Variants in MYRIP observed in about 807,000 individuals in gnomAD.
MYRIP encodes the protein rab effector MyRIP.
In MYRIP, 49 loss-of-function variants were observed where a neutral mutation model predicts 98.0. That is an observed-to-expected ratio of 0.50 (90% CI 0.40 to 0.63). The LOEUF is 0.63. Ranked by LOEUF, MYRIP falls within the 30% of genes least tolerant of loss-of-function variation. The pLI is 0.00. For missense variants in MYRIP, 1,004 were observed against 1,058.2 expected (o/e 0.95, Z 0.71); for synonymous variants, 404 against 409.5 (o/e 0.99, Z 0.16).
intron 2 of MYRIP, among the ~76,000 whole-genome samples, chr3:39,992,731 T>G (rs1356748572): frequency 2.6e-5 from 4 of 152,216 alleles, no homozygotes; most frequent in Non-Finnish European, 5.9e-5. Flanking sequence ...GTCTCTCAAC[T>G]TTCTGCCTCC....
At chr3:39,936,176 G>A (rs1405935042) in intron 2 of MYRIP, among the ~76,000 whole-genome samples, 1 of 152,112 alleles carries the variant, frequency 6.6e-6, no homozygotes, top group Non-Finnish European at 1.5e-5. Flanking sequence ...ACATTTTTAG[G>A]TATCTGCAAT....
At chr3:40,120,482 G>A (rs560574146) in intron 3 of MYRIP, among the ~76,000 whole-genome samples, 9 of 152,270 alleles carry the variant, frequency 5.9e-5, no homozygotes, top group African/African-American at 2.2e-4. Flanking sequence ...TCAGGACATC[G>A]GTGAGGCAGC....
intron 1 of MYRIP, among the ~76,000 whole-genome samples, chr3:39,880,610 T>C (rs1306552337): frequency 6.6e-6 from 1 of 152,238 alleles, no homozygotes; most frequent in African/African-American, 2.4e-5. Flanking sequence ...TGTGTTAGCT[T>C]CAACAAGTTA....
At chr3:39,954,867 C>T (rs1382627003) in intron 2 of MYRIP, among the ~76,000 whole-genome samples, 3 of 151,934 alleles carry the variant, frequency 2.0e-5, no homozygotes, top group Non-Finnish European at 2.9e-5. Flanking sequence ...ACGAGAACTA[C>T]GTGACAAATG....
intron 2 of MYRIP, among the ~76,000 whole-genome samples, chr3:40,029,148 T>A: frequency 6.6e-6 from 1 of 152,182 alleles, no homozygotes; most frequent in East Asian, 1.9e-4. Context: ...AATTTGAGGC[T>A]GTTGTTATAC....
chr3:40,196,458 G>A (rs979090267), intron 10 of MYRIP, among the ~76,000 whole-genome samples: 12 of 151,844 alleles, frequency 7.9e-5, no homozygotes, highest in Admixed American at 5.9e-4. Flanking sequence ...AATGTAATTC[G>A]CATTTTAATC....
At chr3:40,000,314 C>G (rs920090463) in intron 2 of MYRIP, among the ~76,000 whole-genome samples, 2 of 152,146 alleles carry the variant, frequency 1.3e-5, no homozygotes, top group African/African-American at 2.4e-5. Context: ...GAAGACTGTT[C>G]TAAGTGACTC....
chr3:40,077,232 T>C (rs560770869), intron 3 of MYRIP, among the ~76,000 whole-genome samples: 9 of 152,242 alleles, frequency 5.9e-5, no homozygotes, highest in East Asian at 1.9e-4. Flanking sequence ...GCAAGATTTA[T>C]TGCAAAGAGC....
At chr3:40,039,534 A>T (rs11711502) in intron 2 of MYRIP, among the ~76,000 whole-genome samples, 42,285 of 151,920 alleles carry the variant, frequency 0.28, 6,592 homozygotes, top group Non-Finnish European at 0.36. Context: ...TCAAGCAGAT[A>T]TTTTGTTTTC....
intron 2 of MYRIP, among the ~76,000 whole-genome samples, chr3:39,959,252 A>G (rs1559537618): frequency 6.6e-6 from 1 of 152,246 alleles, no homozygotes; most frequent in Non-Finnish European, 1.5e-5. Flanking sequence ...TATTCACAAT[A>G]GCAAAGACTT....
chr3:40,133,224 T>A (rs574319335), intron 3 of MYRIP, among the ~76,000 whole-genome samples: 33 of 152,302 alleles, frequency 2.2e-4, no homozygotes, highest in Middle Eastern at 3.4e-3. Flanking sequence ...TAAGAATTCA[T>A]CCACTCACTG....
chr3:40,204,443 A>G (rs976458841), intron 10 of MYRIP, among the ~76,000 whole-genome samples: 4 of 150,276 alleles, frequency 2.7e-5, no homozygotes, highest in Admixed American at 2.0e-4. Context: ...CAGCCTCCCA[A>G]AGTGCTGGGA....
chr3:40,068,218 T>C (rs1225184792), intron 3 of MYRIP, among the ~76,000 whole-genome samples: 1 of 152,240 alleles, frequency 6.6e-6, no homozygotes, highest in Non-Finnish European at 1.5e-5. Flanking sequence ...AATAGTACTA[T>C]GTTGCTTTCT....
intron 2 of MYRIP, among the ~76,000 whole-genome samples, chr3:40,027,946 A>G (rs1243917741): frequency 6.6e-6 from 1 of 152,042 alleles, no homozygotes; most frequent in African/African-American, 2.4e-5. Flanking sequence ...GGAATGGATG[A>G]GTCACCCTAG....
chr3:39,843,471 G>A (rs1016681711), intron 1 of MYRIP, among the ~76,000 whole-genome samples: 1 of 152,134 alleles, frequency 6.6e-6, no homozygotes, highest in Non-Finnish European at 1.5e-5. Context: ...GATTAGAGAG[G>A]TGCTTTGAAA....
intron 1 of MYRIP, among the ~76,000 whole-genome samples, chr3:39,851,057 A>G (rs182248633): frequency 1.6e-4 from 24 of 152,356 alleles, no homozygotes; most frequent in African/African-American, 5.8e-4. Flanking sequence ...CATCTCTCTA[A>G]TATCAAGATG....
intron 11 of MYRIP, among the ~76,000 whole-genome samples, chr3:40,218,617 TA>T (rs1952211625): frequency 5.5e-4 from 6 of 10,946 alleles, no homozygotes; most frequent in African/African-American, 9.9e-4. Context: ...ATATTTTATA[TA>T]TATATATATA....
intron 3 of MYRIP, among the ~76,000 whole-genome samples, chr3:40,052,735 T>G (rs1947816591): frequency 6.6e-6 from 1 of 152,190 alleles, no homozygotes; most frequent in African/African-American, 2.4e-5. Context: ...ACTGAATTAT[T>G]TGTAATATAA....
chr3:39,828,788 G>C (rs940674388), intron 1 of MYRIP, among the ~76,000 whole-genome samples: 2 of 152,030 alleles, frequency 1.3e-5, no homozygotes, highest in African/African-American at 4.8e-5. Context: ...TCTCATCCAG[G>C]CCATTGCAAA....
Sources: gnomAD v4.1 joint callset for allele counts (sites outside exome capture counted in the v4.1 genomes callset) on GRCh38, gnomAD v4.1.1 for gene constraint, MANE v1.5 for transcripts, NCBI Gene and HGNC (gene_info 2026-07-23, HGNC 2026-07-21) for gene names.